Variants in CADPS2 observed in about 807,000 individuals in gnomAD.
CADPS2 encodes calcium-dependent secretion activator 2.
Under a neutral mutation model 172.5 loss-of-function variants are expected in CADPS2, and 93 were observed. That is an observed-to-expected ratio of 0.54 (90% CI 0.46 to 0.64). CADPS2 has a LOEUF of 0.64. CADPS2 is among the 30% of genes least tolerant of loss of function. The probability of loss-of-function intolerance (pLI) is 0.00; values close to 1 mark genes in which losing one functional copy is unlikely to be tolerated. For synonymous variants in CADPS2, 546 were observed against 555.2 expected (o/e 0.98, Z 0.23); for missense variants, 1,420 against 1,565.9 (o/e 0.91, Z 1.57).
chr7:122,762,027 TATACACACACACAC>T (rs1403945912), intron 1 of CADPS2, among the ~76,000 whole-genome samples: 27 of 69,808 alleles, frequency 3.9e-4, no homozygotes, highest in African/African-American at 1.4e-3. Flanking sequence ...TATATATATA[TATACACACACACAC>T]ACACACACAC....
chr7:122,597,867 G>C (rs1587711923), intron 6 of CADPS2, among the ~76,000 whole-genome samples: 3 of 151,664 alleles, frequency 2.0e-5, no homozygotes, highest in South Asian at 2.1e-4. Context: ...CTTTCAATGA[G>C]AGCATACAGA....
rs139107607 is a variant in CADPS2 at position 122,497,017 on chromosome 7, C to T, written c.1543-5597G>A. ...ATATATATACCTGGGATTGTTACTT[C>T]TTTCTCGGACTGTTCTGTCTTTCTG... On this transcript the variant is annotated intron_variant, in intron 9 of 29. Coordinates refer to ENST00000449022, the MANE Select transcript of CADPS2 (RefSeq NM_017954.11). Among the ~76,000 whole-genome samples, 611 of 152,158 alleles carry T rather than the reference C, an allele frequency of 4.0e-3. 2 individuals carry two copies. Among genetic ancestry groups the T allele is most frequent in the Non-Finnish European group, 6.8e-3 (462 of 67,956 alleles).
chr7:122,728,523 G>A (rs914273289), intron 2 of CADPS2, among the ~76,000 whole-genome samples: 4 of 151,702 alleles, frequency 2.6e-5, no homozygotes, highest in Admixed American at 1.3e-4. Flanking sequence ...GGAAGTAAGA[G>A]TGTGTATAAA....
chr7:122,693,008 G>A (rs541196759), intron 2 of CADPS2, among the ~76,000 whole-genome samples: 3 of 152,288 alleles, frequency 2.0e-5, no homozygotes, highest in African/African-American at 4.8e-5. Flanking sequence ...CCCATGTTAT[G>A]GCCACATGGC....
chr7:122,340,006 C>A (rs2036527298), intron 28 of CADPS2, among the ~76,000 whole-genome samples: 1 of 152,116 alleles, frequency 6.6e-6, no homozygotes, highest in Non-Finnish European at 1.5e-5. Context: ...ATAATATTTT[C>A]ATTATTTTCT....
At chr7:122,673,312 G>C (rs1243994341) in intron 2 of CADPS2, among the ~76,000 whole-genome samples, 1 of 152,208 alleles carries the variant, frequency 6.6e-6, no homozygotes, top group Admixed American at 6.5e-5. Context: ...ACATCCTGCA[G>C]ATTGGTCCAT....
intron 1 of CADPS2, among the ~76,000 whole-genome samples, chr7:122,792,796 G>T (rs777837019): frequency 2.0e-5 from 3 of 152,126 alleles, no homozygotes; most frequent in Admixed American, 6.6e-5. Flanking sequence ...CCTAGGCCAA[G>T]AAACAGCTAA....
intron 2 of CADPS2, among the ~76,000 whole-genome samples, chr7:122,709,027 G>A (rs961940278): frequency 9.2e-5 from 14 of 151,996 alleles, no homozygotes; most frequent in African/African-American, 3.1e-4. Context: ...TGAGGCAGTG[G>A]TGAATAGGCA....
At chr7:122,633,628 T>C (rs2076786321) in intron 3 of CADPS2, among the ~76,000 whole-genome samples, 1 of 152,160 alleles carries the variant, frequency 6.6e-6, no homozygotes, top group Non-Finnish European at 1.5e-5. Flanking sequence ...ACATATAGAA[T>C]ATCATTAACA....
intron 27 of CADPS2, among the ~76,000 whole-genome samples, chr7:122,358,967 A>G (rs536021609): frequency 6.6e-6 from 1 of 152,264 alleles, no homozygotes; most frequent in South Asian, 2.1e-4. Flanking sequence ...AGAAGTGTGC[A>G]TAATGATATG....
intron 1 of CADPS2, among the ~76,000 whole-genome samples, chr7:122,870,757 CAA>C (rs1317603365): frequency 6.6e-6 from 1 of 151,838 alleles, no homozygotes; most frequent in African/African-American, 2.4e-5. Flanking sequence ...ATTTGTCACC[CAA>C]AAAGAGATTA....
chr7:122,342,307 TG>T (rs2036905100), intron 28 of CADPS2, among the ~76,000 whole-genome samples: 1 of 152,122 alleles, frequency 6.6e-6, no homozygotes, highest in South Asian at 2.1e-4. Context: ...CCAAAAACAA[TG>T]GGCACGAATC....
At chr7:122,528,222 G>A (rs1031570500) in intron 8 of CADPS2, among the ~76,000 whole-genome samples, 6 of 151,940 alleles carry the variant, frequency 3.9e-5, no homozygotes, top group Admixed American at 2.0e-4. Context: ...TGTGAGGATG[G>A]TAATAAACTT....
At chr7:122,817,042 T>C (rs912599957) in intron 1 of CADPS2, among the ~76,000 whole-genome samples, 3 of 151,034 alleles carry the variant, frequency 2.0e-5, no homozygotes, top group East Asian at 3.9e-4. Context: ...ACTCAAATCC[T>C]ATAAAACGGC....
chr7:122,723,800 T>G (rs1188438807), intron 2 of CADPS2, among the ~76,000 whole-genome samples: 1 of 152,096 alleles, frequency 6.6e-6, no homozygotes, highest in African/African-American at 2.4e-5. Context: ...AATGATAGAC[T>G]GGATTAAGAA....
intron 20 of CADPS2, chr7:122,395,401 C>A (rs1419280337): frequency 6.6e-6 from 1 of 151,974 alleles, no homozygotes; most frequent in African/African-American, 2.4e-5. Flanking sequence ...AAATTGTGAA[C>A]AATAATCATA....
intron 17 of CADPS2, chr7:122,420,953 G>C (rs1229453249): frequency 6.6e-6 from 1 of 152,214 alleles, no homozygotes; most frequent in Non-Finnish European, 1.5e-5. Context: ...CAGCTCGACT[G>C]TTTGCTTTGG....
intron 20 of CADPS2, among the ~76,000 whole-genome samples, chr7:122,398,307 T>C (rs1297399566): frequency 6.6e-6 from 1 of 152,194 alleles, no homozygotes; most frequent in Non-Finnish European, 1.5e-5. Flanking sequence ...AAAGAATTCA[T>C]ATATTGTTTT....
At chr7:122,399,552 T>G (rs1457257016) in intron 20 of CADPS2, among the ~76,000 whole-genome samples, 1 of 151,968 alleles carries the variant, frequency 6.6e-6, no homozygotes, top group African/African-American at 2.4e-5. Context: ...ACTCAAGCTA[T>G]GCATAGCCTT....
Sources: gnomAD v4.1 joint callset for allele counts (sites outside exome capture counted in the v4.1 genomes callset) on GRCh38, gnomAD v4.1.1 for gene constraint, MANE v1.5 for transcripts, NCBI Gene and HGNC (gene_info 2026-07-23, HGNC 2026-07-21) for gene names.